The following ADAM32 variants were observed in gnomAD, a reference collection of about 807,000 sequenced individuals.
The protein encoded by ADAM32 is disintegrin and metalloproteinase domain-containing protein 32.
Under a neutral mutation model 114.9 loss-of-function variants are expected in ADAM32, and 89 were observed. The ratio of observed to expected loss-of-function variants is 0.77; its 90% CI spans 0.65 to 0.92. The LOEUF is 0.92. Among genes scored for constraint, ADAM32 ranks in the 40% least tolerant of loss-of-function variants. The probability of loss-of-function intolerance (pLI) is 0.00; values close to 1 mark genes in which losing one functional copy is unlikely to be tolerated. For synonymous variants in ADAM32, 285 were observed against 307.5 expected, an observed-to-expected ratio of 0.93 and a Z score of 0.77; for missense variants, 870 against 932.8, an observed-to-expected ratio of 0.93 and a Z score of 0.88.
chr8:39,178,378 T>TC (rs1585467475), intron 10 of ADAM32, among the ~76,000 whole-genome samples: 3 of 152,252 alleles, frequency 2.0e-5, no homozygotes, highest in Non-Finnish European at 4.4e-5. Flanking sequence ...TCAGTTATGA[T>TC]CCTTTATAAA....
In ADAM32 at chr8:39,237,649, C is replaced by T. The variant is rs1192373108; in HGVS notation, c.1818+3567C>T. Among the ~76,000 whole-genome samples, 4 of 152,270 alleles carry T rather than the reference C, an allele frequency of 2.6e-5. No individual in the cohort carries two copies. In the East Asian group the frequency reaches 7.7e-4, roughly 29 times the overall value. Reference sequence around the variant, plus strand: ...GGTGACCTGTATGAAGCAGCAGAGGCAGCCATGATCCCCCTTGGAAGGTAA... The same window carrying T: ...GGTGACCTGTATGAAGCAGCAGAGGTAGCCATGATCCCCCTTGGAAGGTAA... On this transcript the variant is annotated intron_variant, in intron 16 of 24. Transcript: ENST00000379907.
At chr8:39,171,619 A>G (rs1805204783) in intron 10 of ADAM32, among the ~76,000 whole-genome samples, 1 of 151,990 alleles carries the variant, frequency 6.6e-6, no homozygotes, top group South Asian at 2.1e-4. Context: ...AAAACTGTCT[A>G]CCTCTTCATT....
intron 18 of ADAM32, among the ~76,000 whole-genome samples, chr8:39,256,191 C>A (rs540369340): frequency 2.0e-5 from 3 of 152,014 alleles, no homozygotes; most frequent in African/African-American, 7.2e-5. Context: ...TTTTTTCTAA[C>A]ATTAAAATAT....
rs1805091286 is a variant in ADAM32, at chr8:39,170,017, TA to T, written c.915+21del. 6.6e-7 allele frequency: 1 copy of T among 1,506,490 alleles called. No individual in the cohort carries two copies. Among genetic ancestry groups the T allele is most frequent in the Non-Finnish European group, 9.1e-7 (1 of 1,098,682 alleles). The allele number at this position is 1,506,490 out of a possible 1,614,324, so 93.3% of individuals were successfully genotyped here. A position where few individuals can be genotyped will look rare whatever the true frequency, so the allele number is the denominator to read the frequency against. On this transcript the variant is annotated intron_variant, in intron 10 of 24. Transcript: ENST00000379907. The stretch of plus-strand genomic sequence containing the variant: ...GCATTGGTATGTAACTATTTAATCT[TA>T]TTTTTTAAATTAACACGTTTAAAAA...
At chr8:39,205,099 G>A (rs1011630283) in intron 11 of ADAM32, among the ~76,000 whole-genome samples, 3 of 152,236 alleles carry the variant, frequency 2.0e-5, no homozygotes, top group Non-Finnish European at 4.4e-5. Context: ...GAGGCAGTCT[G>A]TCTGTTCTCC....
intron 18 of ADAM32, among the ~76,000 whole-genome samples, chr8:39,255,456 G>C: frequency 6.6e-6 from 1 of 152,004 alleles, no homozygotes; most frequent in Non-Finnish European, 1.5e-5. Flanking sequence ...TTGTGGTTTT[G>C]ATTTACATTT....
In ADAM32 at chr8:39,267,324, A is replaced by C. The variant is rs148316274; in HGVS notation, c.2163-3552A>C. 1.8e-3 allele frequency among the ~76,000 whole-genome samples: 276 copies of C among 152,308 alleles called. 1 individual carries two copies. The highest frequency in any genetic ancestry group is 6.4e-3 in the African/African-American group (267 of 41,560). On this transcript the variant is annotated intron_variant, in intron 19 of 24. Coordinates refer to ENST00000379907, the MANE Select transcript of ADAM32 (RefSeq NM_145004.7). The stretch of plus-strand genomic sequence containing the variant: ...GTTCCTTTTCTAGAATTTTATATAA[A>C]TGAGATCATATGATTGTATGTACTT...
At chr8:39,124,396 T>A (rs12546310) in intron 2 of ADAM32, among the ~76,000 whole-genome samples, 1 of 150,686 alleles carries the variant, frequency 6.6e-6, no homozygotes, top group East Asian at 2.0e-4. Flanking sequence ...TGGTATAGAT[T>A]TACCACATTT....
intron 12 of ADAM32, among the ~76,000 whole-genome samples, chr8:39,217,649 ACT>A (rs1291143229): frequency 6.6e-6 from 1 of 151,646 alleles, no homozygotes; most frequent in Non-Finnish European, 1.5e-5. Flanking sequence ...CTATTAAGAG[ACT>A]CTGATGCATT....
intron 1 of ADAM32, among the ~76,000 whole-genome samples, chr8:39,116,987 G>A (rs1280953502): frequency 1.1e-4 from 16 of 151,986 alleles, no homozygotes; most frequent in African/African-American, 2.7e-4. Flanking sequence ...GGGTTCAAGC[G>A]ATTCTCCTGC....
At chr8:39,237,797 G>GCCC in intron 16 of ADAM32, among the ~76,000 whole-genome samples, 1 of 152,178 alleles carries the variant, frequency 6.6e-6, no homozygotes, top group Non-Finnish European at 1.5e-5. Context: ...TTCTCTACCT[G>GCCC]CCCTGGTAGC....
intron 19 of ADAM32, among the ~76,000 whole-genome samples, chr8:39,269,404 G>A (rs1812573021): frequency 6.6e-6 from 1 of 152,164 alleles, no homozygotes; most frequent in African/African-American, 2.4e-5. Context: ...TGGCAGGAGG[G>A]TAAATTTAGT....
intron 12 of ADAM32, among the ~76,000 whole-genome samples, chr8:39,218,526 A>C (rs7843233): frequency 0.028 from 4,188 of 152,278 alleles, 214 homozygotes; most frequent in African/African-American, 0.095. Context: ...CAGAAACCTT[A>C]GAAATACACC....
intron 14 of ADAM32, among the ~76,000 whole-genome samples, chr8:39,231,192 C>A (rs1809711681): frequency 6.6e-6 from 1 of 152,106 alleles, no homozygotes; most frequent in African/African-American, 2.4e-5. Flanking sequence ...CATGTGAGCC[C>A]TTAAAAGACA....
chr8:39,251,933 A>G (rs1811335270), intron 17 of ADAM32, among the ~76,000 whole-genome samples: 1 of 151,780 alleles, frequency 6.6e-6, no homozygotes. Flanking sequence ...TCTTCTGCAT[A>G]TGGTTATCGA....
chr8:39,180,331 C>T (rs570299543), intron 10 of ADAM32, among the ~76,000 whole-genome samples: 7 of 152,330 alleles, frequency 4.6e-5, no homozygotes, highest in South Asian at 4.1e-4. Flanking sequence ...GATTTCTCGC[C>T]GGGCCTTAGC....
At chr8:39,107,550 G>C (rs80231077), upstream of ADAM32, 5 of 1,297,756 alleles carry the variant, frequency 3.9e-6, no homozygotes, top group South Asian at 1.6e-5. Context: ...CAACCACGCG[G>C]CTGGGGTGCG....
At chr8:39,252,492 A>T (rs1016878686) in intron 17 of ADAM32, among the ~76,000 whole-genome samples, 2 of 151,658 alleles carry the variant, frequency 1.3e-5, no homozygotes, top group South Asian at 2.1e-4. Flanking sequence ...AAGAATAAAG[A>T]TTTCAAATAA....
At chr8:39,276,746 A>G (rs1176404896) in intron 22 of ADAM32, among the ~76,000 whole-genome samples, 1 of 152,096 alleles carries the variant, frequency 6.6e-6, no homozygotes, top group African/African-American at 2.4e-5. Context: ...TCATGAGTTT[A>G]TCTTTAAAAT....
Sources: allele counts gnomAD v4.1 joint callset (sites outside exome capture counted in the v4.1 genomes callset), GRCh38; gene constraint gnomAD v4.1.1; transcripts MANE v1.5; gene names NCBI Gene and HGNC (gene_info 2026-07-23, HGNC 2026-07-21).